The following EDIL3 variants were observed in gnomAD, a reference collection of about 807,000 sequenced individuals.
EDIL3 encodes the protein EGF-like repeat and discoidin I-like domain-containing protein 3.
A neutral mutation model predicts 67.4 loss-of-function variants in EDIL3; 37 were observed. The observed-to-expected ratio is 0.55, with a 90% CI of 0.42 to 0.72. The LOEUF (loss-of-function observed/expected upper bound fraction) is 0.72. EDIL3 is among the 30% of genes least tolerant of loss of function. The pLI is 0.00. For missense variants in EDIL3, 527 were observed against 586.3 expected, an observed-to-expected ratio of 0.90 and a Z score of 1.04; for synonymous variants, 195 against 196.3, an observed-to-expected ratio of 0.99 and a Z score of 0.05.
intron 1 of EDIL3, among the ~76,000 whole-genome samples, chr5:84,367,083 A>G (rs528593247): frequency 2.0e-5 from 3 of 152,320 alleles, no homozygotes; most frequent in Non-Finnish European, 4.4e-5. Flanking sequence ...TGCAAATTAT[A>G]TCATAGCATT....
rs534861476 is a variant in EDIL3, at chr5:84,368,081, C to T, written c.67+16227G>A. Among the ~76,000 whole-genome samples the T allele has an allele frequency of 1.4e-4, 21 of 152,266 alleles. 1 individual carries two copies. The South Asian group carries it at 4.3e-3, about 32-fold the overall frequency. On this transcript the variant is annotated intron_variant, in intron 1 of 10. Coordinates refer to ENST00000296591, the MANE Select transcript of EDIL3 (RefSeq NM_005711.5). ...TTTGTCTGATGTAACTATTTTGAAACTCTGGAATCTATTGAGGGCTTGAAA... is the reference window on the plus strand; with the variant it reads ...TTTGTCTGATGTAACTATTTTGAAATTCTGGAATCTATTGAGGGCTTGAAA...
intron 9 of EDIL3, among the ~76,000 whole-genome samples, chr5:83,972,426 C>G (rs1420250377): frequency 6.6e-6 from 1 of 152,074 alleles, no homozygotes; most frequent in African/African-American, 2.4e-5. Context: ...AAGTTACCAA[C>G]AGGCATCCCA....
At chr5:84,059,895 G>A (rs1384327419) in intron 9 of EDIL3, among the ~76,000 whole-genome samples, 2 of 152,152 alleles carry the variant, frequency 1.3e-5, no homozygotes, top group African/African-American at 4.8e-5. Flanking sequence ...AATATGTCAT[G>A]AGTCATGATT....
chr5:84,206,342 C>G (rs1448905011), intron 3 of EDIL3, among the ~76,000 whole-genome samples: 2 of 151,716 alleles, frequency 1.3e-5, no homozygotes, highest in Non-Finnish European at 2.9e-5. Flanking sequence ...AGTATGTGGT[C>G]AATTTTGGAA....
At chr5:84,365,049 A>T (rs561814000) in intron 1 of EDIL3, among the ~76,000 whole-genome samples, 1 of 152,026 alleles carries the variant, frequency 6.6e-6, no homozygotes, top group Non-Finnish European at 1.5e-5. Flanking sequence ...TTTTGAGAGG[A>T]GGAGGTAGCA....
intron 9 of EDIL3, among the ~76,000 whole-genome samples, chr5:84,028,747 TTAAA>T (rs1209158487): frequency 6.6e-6 from 1 of 152,106 alleles, no homozygotes; most frequent in African/African-American, 2.4e-5. Flanking sequence ...ACACGGAGTC[TTAAA>T]TATATATATA....
intron 3 of EDIL3, among the ~76,000 whole-genome samples, chr5:84,198,346 A>G (rs1743759305): frequency 6.6e-6 from 1 of 152,040 alleles, no homozygotes; most frequent in Non-Finnish European, 1.5e-5. Context: ...TAAGGAACTG[A>G]AAGAGTAGGA....
intron 6 of EDIL3, among the ~76,000 whole-genome samples, chr5:84,105,666 T>A (rs1296369318): frequency 6.6e-6 from 1 of 152,020 alleles, no homozygotes; most frequent in Non-Finnish European, 1.5e-5. Context: ...TACCTTTTAG[T>A]ATGACTCCCG....
intron 9 of EDIL3, among the ~76,000 whole-genome samples, chr5:84,018,461 C>A (rs188464521): frequency 2.6e-5 from 4 of 152,170 alleles, no homozygotes; most frequent in African/African-American, 9.6e-5. Flanking sequence ...ACTGATAGAC[C>A]AGAGGGACAG....
intron 1 of EDIL3, among the ~76,000 whole-genome samples, chr5:84,336,793 TAG>T (rs1428665634): frequency 6.6e-6 from 1 of 152,140 alleles, no homozygotes; most frequent in Non-Finnish European, 1.5e-5. Flanking sequence ...GATAATTAAA[TAG>T]AGTTTCAAAA....
chr5:84,067,592 T>C (rs552629046), intron 6 of EDIL3, among the ~76,000 whole-genome samples: 1 of 152,318 alleles, frequency 6.6e-6, no homozygotes, highest in East Asian at 1.9e-4. Context: ...CAGATATTAT[T>C]TTCCAAAGAA....
At chr5:84,201,177 T>G (rs1354541194) in intron 3 of EDIL3, among the ~76,000 whole-genome samples, 2 of 152,030 alleles carry the variant, frequency 1.3e-5, no homozygotes, top group Non-Finnish European at 2.9e-5. Context: ...TATAATCCAT[T>G]TCTCTTCTGT....
intron 5 of EDIL3, 43 bp from the exon 6 acceptor site, chr5:84,106,873 A>G (rs1561433472): frequency 6.5e-7 from 1 of 1,548,706 alleles, no homozygotes; most frequent in South Asian, 1.2e-5. Context: ...ATTAGAAACA[A>G]TGCATATACA....
At chr5:84,032,425 A>G (rs1160923143) in intron 9 of EDIL3, among the ~76,000 whole-genome samples, 1 of 152,234 alleles carries the variant, frequency 6.6e-6, no homozygotes, top group East Asian at 1.9e-4. Flanking sequence ...ATAGGTTCCA[A>G]TAGGTGAAAT....
At chr5:84,307,585 C>T (rs1444273631) in intron 1 of EDIL3, among the ~76,000 whole-genome samples, 3 of 152,144 alleles carry the variant, frequency 2.0e-5, no homozygotes, top group Admixed American at 1.3e-4. Context: ...CTGTAGGCTG[C>T]ATACATTGGG....
intron 9 of EDIL3, among the ~76,000 whole-genome samples, chr5:84,009,408 T>G (rs1444069866): frequency 6.6e-6 from 1 of 152,134 alleles, no homozygotes; most frequent in Non-Finnish European, 1.5e-5. Flanking sequence ...AAATCCAGCC[T>G]GCAATATGAC....
intron 9 of EDIL3, among the ~76,000 whole-genome samples, chr5:83,970,326 G>T (rs6871394): frequency 0.85 from 123,487 of 144,980 alleles, 52,789 homozygotes; most frequent in South Asian, 0.93. Flanking sequence ...GATTAGAAAT[G>T]TTCCTGCTGA....
chr5:84,050,086 T>C (rs181139212), intron 9 of EDIL3, among the ~76,000 whole-genome samples: 2,047 of 149,090 alleles, frequency 0.014, 17 homozygotes, highest in Non-Finnish European at 0.02. Flanking sequence ...TAGTCCCAGC[T>C]ACATGGGAGG....
intron 4 of EDIL3, among the ~76,000 whole-genome samples, chr5:84,171,056 A>G (rs1408972566): frequency 6.6e-6 from 1 of 152,018 alleles, no homozygotes; most frequent in Non-Finnish European, 1.5e-5. Flanking sequence ...CAGCCTCCCA[A>G]AGTGCTGGGA....
Sources: gnomAD v4.1 joint callset for allele counts (sites outside exome capture counted in the v4.1 genomes callset) on GRCh38, gnomAD v4.1.1 for gene constraint, MANE v1.5 for transcripts, NCBI Gene and HGNC (gene_info 2026-07-23, HGNC 2026-07-21) for gene names.